Variants in ELMO2 observed in about 807,000 individuals in gnomAD.
The protein encoded by ELMO2 is engulfment and cell motility 2.
In ELMO2, 37 loss-of-function variants were observed where a neutral mutation model predicts 96.2. The ratio of observed to expected loss-of-function variants is 0.38; its 90% CI spans 0.30 to 0.51. The LOEUF (loss-of-function observed/expected upper bound fraction) is 0.51, where lower values mean the gene tolerates loss of function less well. Ranked by LOEUF, ELMO2 falls within the 20% of genes least tolerant of loss-of-function variation. The probability of loss-of-function intolerance (pLI) is 0.88; values close to 1 mark genes in which losing one functional copy is unlikely to be tolerated. For synonymous variants in ELMO2, 315 were observed against 329.4 expected, an observed-to-expected ratio of 0.96 and a Z score of 0.47; for missense variants, 561 against 912.6, an observed-to-expected ratio of 0.61 and a Z score of 4.96.
intron 6 of ELMO2, among the ~76,000 whole-genome samples, chr20:46,391,330 C>T (rs897246519): frequency 2.6e-5 from 4 of 152,120 alleles, no homozygotes; most frequent in African/African-American, 9.7e-5. Context: ...CCTCTCTAAC[C>T]CTCAGTTTCC....
intron 6 of ELMO2, among the ~76,000 whole-genome samples, chr20:46,389,997 A>G (rs556672536): frequency 5.9e-5 from 9 of 152,060 alleles, no homozygotes; most frequent in African/African-American, 2.2e-4. Flanking sequence ...TACTAAAAAC[A>G]CAAAAATTAG....
intron 1 of ELMO2, among the ~76,000 whole-genome samples, chr20:46,401,509 G>GT (rs971026210): frequency 6.6e-6 from 1 of 152,192 alleles, no homozygotes; most frequent in Admixed American, 6.5e-5. Context: ...GATTCCTGCT[G>GT]TAAGAATGGC....
At chr20:46,405,808 T>A (rs1401294274) in intron 1 of ELMO2, among the ~76,000 whole-genome samples, 3 of 151,888 alleles carry the variant, frequency 2.0e-5, no homozygotes, top group Non-Finnish European at 4.4e-5. Context: ...AGCTGGAACC[T>A]GGGAGGCGGA....
At chr20:46,386,319 A>G in intron 8 of ELMO2, 44 bp from the exon 9 acceptor site, 1 of 1,605,028 alleles carries the variant, frequency 6.2e-7, no homozygotes, top group Middle Eastern at 1.7e-4. Context: ...TCAGGGCCCA[A>G]GAAAGATAGA....
chr20:46,377,720 T>G (rs890751502), intron 11 of ELMO2, among the ~76,000 whole-genome samples: 2 of 152,238 alleles, frequency 1.3e-5, no homozygotes, highest in Non-Finnish European at 1.5e-5. Flanking sequence ...TGTCCAGTCC[T>G]GTAGCTCCCG....
rs778040432 is a variant in ELMO2 at position 46,387,355 on chromosome 20, T to C, written c.508A>G (p.Ile170Val). The C allele has an allele frequency of 1.2e-5, 19 of 1,613,968 alleles. No homozygotes were observed. Among genetic ancestry groups the C allele is most frequent in the East Asian group, 4.5e-5 (2 of 44,864 alleles). The change falls in exon 8 of 22, where the codon ATC (isoleucine) becomes GTC (valine). Residue 170 changes from isoleucine to valine, a missense_variant. Transcript: ENST00000290246. Reference sequence around the variant, plus strand: ...GGCCTCACCTGCTTAATAAAGGTGATTGAAACCATGTCCCAGGAGACAATG... The same window carrying C: ...GGCCTCACCTGCTTAATAAAGGTGACTGAAACCATGTCCCAGGAGACAATG... ...HGIVSWDMVS[I>V]TFIKQIAGYV...
At position 46,384,064 on chromosome 20, in the gene ELMO2, T is replaced by TA. The variant is rs1014353218; in HGVS notation, c.678-571dup. On this transcript the variant is annotated intron_variant, in intron 9 of 21. Transcript: ENST00000290246. ...AAATGTTCAAGGTGTATTATTCAGT[T>TA]AAAAAAAATCAAGGTACACATAGTA... Among the ~76,000 whole-genome samples the TA allele has an allele frequency of 1.2e-4, 19 of 152,142 alleles. No homozygotes were observed. In the South Asian group the frequency reaches 1.5e-3, roughly 12 times the overall value.
At chr20:46,389,962 G>A (rs968640737) in intron 6 of ELMO2, among the ~76,000 whole-genome samples, 4 of 152,072 alleles carry the variant, frequency 2.6e-5, no homozygotes. Context: ...AGACCAACCT[G>A]ACCAACATGA....
At chr20:46,383,308 C>T in intron 10 of ELMO2, 108 bp downstream of exon 10, 1 of 1,210,032 alleles carries the variant, frequency 8.3e-7, no homozygotes. Context: ...AGAGGAAGAA[C>T]TCTTGGGAAA....
Position 46,375,908 on chromosome 20 carries a change from C to A in ELMO2, c.808-118G>T, listed in dbSNP as rs1408318191. The A allele has an allele frequency of 8.9e-6, 12 of 1,349,950 alleles. No individual in the cohort carries two copies. The highest frequency in any genetic ancestry group is 1.4e-5 in the South Asian group (1 of 72,276). 83.6% of individuals were successfully genotyped at this position (1,349,950 alleles called of 1,614,324 possible). A position where few individuals can be genotyped will look rare whatever the true frequency, so the allele number is the denominator to read the frequency against. On this transcript the variant is annotated intron_variant, in intron 11 of 21. Transcript: ENST00000290246. This position sits in a 1 kb window ranked among gnomAD's most constrained non-coding sequence, Gnocchi z 4.6. ...AAGGGAACAGAGCTTTCCTCCCACA[C>A]ACGAGGACTTCATATTCTAGAAGGC...
At chr20:46,404,686 G>T (rs1320371596) in intron 1 of ELMO2, among the ~76,000 whole-genome samples, 1 of 152,144 alleles carries the variant, frequency 6.6e-6, no homozygotes, top group African/African-American at 2.4e-5. Flanking sequence ...GGCACAGGCT[G>T]CCCTCTGTGT....
At chr20:46,405,798 A>T (rs892529889) in intron 1 of ELMO2, among the ~76,000 whole-genome samples, 1 of 152,046 alleles carries the variant, frequency 6.6e-6, no homozygotes, top group African/African-American at 2.4e-5. Flanking sequence ...GCAGGAGAAT[A>T]GCTGGAACCT....
At position 46,371,663 on chromosome 20, in the gene ELMO2, T is replaced by A; in HGVS notation, c.1609A>T (p.Ile537Phe). 6.2e-7 allele frequency: 1 copy of A among 1,613,804 alleles called. No homozygotes were observed. Among genetic ancestry groups the A allele is most frequent in the Non-Finnish European group, 8.5e-7 (1 of 1,179,996 alleles). Residue 537 changes from isoleucine to phenylalanine, a missense_variant, in exon 18 of 22, where the codon ATC (isoleucine) becomes TTC (phenylalanine). Coordinates refer to ENST00000290246, the MANE Select transcript of ELMO2 (RefSeq NM_133171.5). The surrounding 1 kb of genome is among the most constrained non-coding windows in gnomAD (Gnocchi z 5.9). ...CGCTGCTGCTTGATCAGCTCAAGGATCTCGGGCTGGATCTTCTCCCTCAGC... is the reference window on the plus strand; with the variant it reads ...CGCTGCTGCTTGATCAGCTCAAGGAACTCGGGCTGGATCTTCTCCCTCAGC... ...VELREKIQPE[I>F]LELIKQQRLN...
chr20:46,370,993 G>T (rs1185817567), intron 19 of ELMO2, among the ~76,000 whole-genome samples: 1 of 152,204 alleles, frequency 6.6e-6, no homozygotes, highest in East Asian at 1.9e-4. Flanking sequence ...TACAGGAGAA[G>T]AAACCAAGGC....
At chr20:46,387,654 T>G (rs2261185) in intron 7 of ELMO2, 1 of 174,578 alleles carries the variant, frequency 5.7e-6, no homozygotes, top group South Asian at 1.3e-4. Flanking sequence ...AAAAAAAAAA[T>G]GTTGCTGGGT....
intron 2 of ELMO2, 67 bp from the exon 3 acceptor site, chr20:46,394,599 T>C (rs1402962276): frequency 1.7e-6 from 2 of 1,186,184 alleles, no homozygotes. Flanking sequence ...GTTACATGTT[T>C]TGAAGAGTTT....
At chr20:46,369,067 C>T in intron 20 of ELMO2, 99 bp from the exon 21 acceptor site, 2 of 1,065,148 alleles carry the variant, frequency 1.9e-6, no homozygotes, top group South Asian at 2.6e-5. Flanking sequence ...CATCACCAAA[C>T]ATGCTGATTC....
chr20:46,403,435 G>A (rs146151732), intron 1 of ELMO2, among the ~76,000 whole-genome samples: 2 of 152,312 alleles, frequency 1.3e-5, no homozygotes, highest in Non-Finnish European at 2.9e-5. Flanking sequence ...AAATTCAAAT[G>A]TCTTGGGCAG....
chr20:46,366,313 C>T lies in ELMO2; in HGVS notation c.*1047G>A, dbSNP rs2059585665. On this transcript the variant is annotated 3_prime_UTR_variant, in exon 22 of 22. Coordinates refer to ENST00000290246, the MANE Select transcript of ELMO2 (RefSeq NM_133171.5). ...TACCTACCATGCCAGGCCACCAATACTGAATGCCAATGTGCTAACGTATGT... is the reference window on the plus strand; with the variant it reads ...TACCTACCATGCCAGGCCACCAATATTGAATGCCAATGTGCTAACGTATGT... The T allele has an allele frequency of 6.6e-6, 1 of 152,644 alleles. No homozygotes were observed. The allele number at this position is 152,644 out of a possible 1,614,324, so 9.5% of individuals were successfully genotyped here. A position where few individuals can be genotyped will look rare whatever the true frequency, so the allele number is the denominator to read the frequency against.
Sources: allele counts gnomAD v4.1 joint callset (sites outside exome capture counted in the v4.1 genomes callset), GRCh38; gene constraint gnomAD v4.1.1; non-coding constraint Gnocchi (gnomAD v3.1); transcripts MANE v1.5; gene names NCBI Gene and HGNC (gene_info 2026-07-23, HGNC 2026-07-21).